The following ABI3BP variants were observed in gnomAD, a reference collection of about 807,000 sequenced individuals.
The protein encoded by ABI3BP is ABI family member 3 binding protein.
A neutral mutation model predicts 268.6 loss-of-function variants in ABI3BP; 216 were observed. That is an observed-to-expected ratio of 0.80 (90% confidence interval 0.72 to 0.90). The LOEUF is 0.90. Ranked by LOEUF, ABI3BP falls within the 40% of genes least tolerant of loss-of-function variation. ABI3BP has a pLI of 0.00. For synonymous variants in ABI3BP, 730 were observed against 730.0 expected (o/e 1.00, Z 0.00); for missense variants, 2,090 against 2,182.4 (o/e 0.96, Z 0.84).
chr3:100,901,693 G>C (rs1347959879), intron 3 of ABI3BP, among the ~76,000 whole-genome samples: 1 of 151,998 alleles, frequency 6.6e-6, no homozygotes, highest in African/African-American at 2.4e-5. Context: ...GTGAACCTGG[G>C]AGGCGGAGCT....
At chr3:100,815,273 CTTTG>C (rs1372488015) in intron 44 of ABI3BP, among the ~76,000 whole-genome samples, 12 of 152,046 alleles carry the variant, frequency 7.9e-5, no homozygotes, top group African/African-American at 2.9e-4. Flanking sequence ...AAAAAAATTA[CTTTG>C]TTTCTGATCA....
chr3:100,760,081 C>T (rs990051703), intron 63 of ABI3BP, among the ~76,000 whole-genome samples: 3 of 152,108 alleles, frequency 2.0e-5, no homozygotes, highest in African/African-American at 7.2e-5. Flanking sequence ...AACAACAGTC[C>T]CAAACCATCA....
chr3:100,845,261 G>A (rs1220809493), intron 20 of ABI3BP, among the ~76,000 whole-genome samples: 1 of 152,042 alleles, frequency 6.6e-6, no homozygotes, highest in African/African-American at 2.4e-5. Context: ...CACTATTAAG[G>A]CTTTTGAGTT....
In ABI3BP at chr3:100,753,959, A is replaced by G. The variant is rs572226401; in HGVS notation, c.4931-111T>C. The G allele has an allele frequency of 2.1e-5, 23 of 1,102,276 alleles. No homozygotes were observed. The African/African-American group carries it at 3.4e-4, about 17-fold the overall frequency. 68.3% of individuals were successfully genotyped at this position (1,102,276 alleles called of 1,614,324 possible). A position where few individuals can be genotyped will look rare whatever the true frequency, so the allele number is the denominator to read the frequency against. On this transcript the variant is annotated intron_variant, in intron 64 of 67. Coordinates refer to ENST00000471714, the MANE Select transcript of ABI3BP (RefSeq NM_001375547.2). ...ACTTGTTAAGAAGTCTTATTTGCAA[A>G]ATGGTACTCTTTTGCTAAGGATTGA...
At chr3:100,780,641 A>G (rs575461257) in intron 57 of ABI3BP, among the ~76,000 whole-genome samples, 8 of 152,180 alleles carry the variant, frequency 5.3e-5, no homozygotes, top group East Asian at 3.9e-4. Flanking sequence ...TAGAATTCCA[A>G]TGTGTTTGGG....
chr3:100,807,778 AG>A (rs1269523820), intron 50 of ABI3BP, among the ~76,000 whole-genome samples: 1 of 152,060 alleles, frequency 6.6e-6, no homozygotes, highest in Non-Finnish European at 1.5e-5. Flanking sequence ...TGTTGTAGTC[AG>A]GCCATGTATT....
chr3:100,863,631 C>T (rs2099021730), intron 12 of ABI3BP: 2 of 190,736 alleles, frequency 1.0e-5, no homozygotes, highest in South Asian at 1.0e-4. Context: ...TTTTCTCATA[C>T]TTCACTCAGA....
At chr3:100,823,891 AT>A (rs2098301799) in intron 36 of ABI3BP, among the ~76,000 whole-genome samples, 2 of 152,208 alleles carry the variant, frequency 1.3e-5, no homozygotes, top group Non-Finnish European at 2.9e-5. Context: ...ATTAGCGCTT[AT>A]TACATATAAG....
intron 1 of ABI3BP, among the ~76,000 whole-genome samples, chr3:100,937,413 G>A (rs2066650467): frequency 6.6e-6 from 1 of 151,962 alleles, no homozygotes; most frequent in Non-Finnish European, 1.5e-5. Flanking sequence ...AAACCCAAAT[G>A]TCCATCAACA....
chr3:100,900,238 G>A (rs934651806), intron 3 of ABI3BP, among the ~76,000 whole-genome samples: 1 of 152,206 alleles, frequency 6.6e-6, no homozygotes, highest in Non-Finnish European at 1.5e-5. Flanking sequence ...TCATGTATGA[G>A]CTCCAATGAG....
chr3:100,823,619 C>CAA (rs72135669), intron 36 of ABI3BP, 105 bp from the exon 37 acceptor site: 2,060 of 729,870 alleles, frequency 2.8e-3, no homozygotes, highest in East Asian at 0.013. Context: ...TCCAGAGAAA[C>CAA]AAAAAAAAAA....
At chr3:100,922,771 AT>A (rs950801197) in intron 2 of ABI3BP, among the ~76,000 whole-genome samples, 1 of 152,152 alleles carries the variant, frequency 6.6e-6, no homozygotes, top group Non-Finnish European at 1.5e-5. Flanking sequence ...CCCATGTTGG[AT>A]TTCTGACCTA....
chr3:100,985,648 G>A lies in ABI3BP; in HGVS notation c.79+7658C>T, dbSNP rs2091509776. On this transcript the variant is annotated intron_variant, in intron 1 of 67. Transcript: ENST00000471714. Reference sequence around the variant, plus strand: ...ATTTGATGGACCACAGAGGAAACCAGCAAAGGAATCTAGGCATTGACTGGG... The same window carrying A: ...ATTTGATGGACCACAGAGGAAACCAACAAAGGAATCTAGGCATTGACTGGG... 2.0e-5 allele frequency among the ~76,000 whole-genome samples: 3 copies of A among 152,152 alleles called. No individual in the cohort carries two copies. The South Asian group carries it at 6.2e-4, about 31-fold the overall frequency.
intron 1 of ABI3BP, among the ~76,000 whole-genome samples, chr3:100,931,827 A>AT (rs2063741577): frequency 6.6e-6 from 1 of 152,010 alleles, no homozygotes. Context: ...TACGAATGAC[A>AT]TTTTTTTCAC....
intron 1 of ABI3BP, among the ~76,000 whole-genome samples, chr3:100,974,588 G>T (rs2085199165): frequency 1.3e-5 from 2 of 152,122 alleles, no homozygotes; most frequent in Admixed American, 6.6e-5. Flanking sequence ...GCCAGAAACT[G>T]GGGGTAGGGG....
intron 14 of ABI3BP, among the ~76,000 whole-genome samples, chr3:100,861,413 A>G (rs1847393): frequency 0.73 from 110,897 of 152,014 alleles, 41,438 homozygotes; most frequent in African/African-American, 0.9. Context: ...TACATGAAAC[A>G]TCCAACTTCA....
rs2098059327 is a variant in ABI3BP, at chr3:100,816,695, G to A, written c.3222C>T (p.Asn1074=). The change falls in exon 43 of 68, where the codon AAC becomes AAT. Residue 1074 remains asparagine (N), a synonymous_variant. Coordinates refer to ENST00000471714, the MANE Select transcript of ABI3BP (RefSeq NM_001375547.2). ...KTTSSPEVPQ[N]KSVSVTGFEP... Reference sequence around the variant, plus strand: ...AAGGATTCATACATTTACCCGATTTGTTCTGAGGTACTTCAGGACTTGATG... The same window carrying A: ...AAGGATTCATACATTTACCCGATTTATTCTGAGGTACTTCAGGACTTGATG... 1 of 1,535,742 alleles carries A rather than the reference G, an allele frequency of 6.5e-7. No homozygotes were observed. The highest frequency in any genetic ancestry group is 2.4e-5 in the East Asian group (1 of 40,910).
At chr3:100,775,041 G>A (rs959982538) in intron 60 of ABI3BP, among the ~76,000 whole-genome samples, 166 bp downstream of exon 60, 1 of 151,960 alleles carries the variant, frequency 6.6e-6, no homozygotes, top group Non-Finnish European at 1.5e-5. Flanking sequence ...ACTCTATAAG[G>A]GAGTGTTGAA....
intron 38 of ABI3BP, 91 bp from the exon 39 acceptor site, chr3:100,821,204 T>C (rs946042836): frequency 4.1e-5 from 44 of 1,075,852 alleles, no homozygotes; most frequent in Non-Finnish European, 5.8e-5. Context: ...ACTAGTATAA[T>C]ACAGCTTATA....
Sources: gnomAD v4.1 joint callset for allele counts (sites outside exome capture counted in the v4.1 genomes callset) on GRCh38, gnomAD v4.1.1 for gene constraint, MANE v1.5 for transcripts, NCBI Gene and HGNC (gene_info 2026-07-23, HGNC 2026-07-21) for gene names.